Variants in PCDHA4 observed in about 807,000 individuals in gnomAD.
PCDHA4 encodes the protein protocadherin alpha 4.
In PCDHA4, 49 loss-of-function variants were observed where a neutral mutation model predicts 61.4. The observed-to-expected ratio is 0.80, with a 90% CI of 0.63 to 1.01. PCDHA4 has a LOEUF of 1.01. PCDHA4 is among the 50% of genes least tolerant of loss of function. The pLI is 0.00. For synonymous variants in PCDHA4, 590 were observed against 550.3 expected (o/e 1.07, Z -1.01); for missense variants, 1,254 against 1,235.8 (o/e 1.01, Z -0.22).
chr5:140,915,312 C>T (rs781796761), intron 1 of PCDHA4, among the ~76,000 whole-genome samples: 2 of 152,122 alleles, frequency 1.3e-5, no homozygotes, highest in Non-Finnish European at 2.9e-5. Flanking sequence ...TTACATACCA[C>T]AATTACAGTG....
At chr5:140,997,668 T>TTGTGTGTGTGTGTGTGTG (rs35184029) in intron 3 of PCDHA4, among the ~76,000 whole-genome samples, 77 of 148,344 alleles carry the variant, frequency 5.2e-4, no homozygotes, top group African/African-American at 1.8e-3. Context: ...ATTATACAGC[T>TTGTGTGTGTGTGTGTGTG]TGTGTGTGTG....
intron 1 of PCDHA4, chr5:140,882,442 G>A (rs1554174153): frequency 6.2e-7 from 1 of 1,613,948 alleles, no homozygotes; most frequent in African/African-American, 1.3e-5. Context: ...AGCTGGCGGA[G>A]CTGGTGCCGC....
intron 1 of PCDHA4, among the ~76,000 whole-genome samples, chr5:140,924,901 A>AAAT (rs1554202313): frequency 5.5e-4 from 44 of 80,500 alleles, no homozygotes; most frequent in Non-Finnish European, 9.1e-4. Flanking sequence ...TCTCAAAAAA[A>AAAT]AAAATAAAAT....
chr5:140,821,638 A>AT, intron 1 of PCDHA4: 1 of 1,026,086 alleles, frequency 9.7e-7, no homozygotes, highest in Non-Finnish European at 1.4e-6. Flanking sequence ...AGAAAGGAAA[A>AT]GAACCTTCCA....
intron 1 of PCDHA4, chr5:140,926,986 C>A (rs782199565): frequency 8.1e-6 from 13 of 1,610,594 alleles, no homozygotes; most frequent in Non-Finnish European, 2.5e-6. Flanking sequence ...GGAGACGGAG[C>A]GGGGCGTAGC....
rs1292162881 is a variant in PCDHA4, at chr5:140,830,633, C to A, written c.2385+21061C>A. 3 of 514,128 alleles carry A rather than the reference C, an allele frequency of 5.8e-6. No homozygotes were observed. The Admixed American group carries it at 1.2e-4, about 21-fold the overall frequency. The allele number at this position is 514,128 out of a possible 1,614,324, so 31.8% of individuals were successfully genotyped here. On this transcript the variant is annotated intron_variant, in intron 1 of 3. Transcript: ENST00000530339. ...ATTTTATTGTGTTTCTTATTTTAAT[C>A]TCTTTGCTTCTTTAATATTCATAAT...
intron 3 of PCDHA4, among the ~76,000 whole-genome samples, chr5:140,991,634 A>G (rs1261533190): frequency 5.9e-5 from 9 of 152,196 alleles, no homozygotes; most frequent in African/African-American, 1.7e-4. Flanking sequence ...TGTAATAACA[A>G]TCTGTTCATG....
intron 1 of PCDHA4, among the ~76,000 whole-genome samples, chr5:140,820,699 T>A (rs992254972): frequency 6.6e-6 from 1 of 152,096 alleles, no homozygotes; most frequent in African/African-American, 2.4e-5. Flanking sequence ...GATATTCTTT[T>A]CAACATGATT....
intron 1 of PCDHA4, chr5:140,871,015 G>A (rs1554164977): frequency 1.9e-6 from 3 of 1,613,126 alleles, no homozygotes; most frequent in East Asian, 2.2e-5. Flanking sequence ...TGCCCTGGAC[G>A]AGGCAGACTC....
rs2150150437 is a variant in PCDHA4, at chr5:140,828,053, G to A, written c.2385+18481G>A. ...ACATACAGTATTTTATCTTTATGCG[G>A]AAGATCTTCTAATGGAAATAAAACC... On this transcript the variant is annotated intron_variant, in intron 1 of 3. Transcript: ENST00000530339. 4,837 of 1,547,680 alleles carry A rather than the reference G, an allele frequency of 3.1e-3. 12 individuals are homozygous for A. The highest frequency in any genetic ancestry group is 4.7e-3 in the Admixed American group (229 of 48,892).
At chr5:140,884,536 G>A in intron 1 of PCDHA4, 11 of 1,614,090 alleles carry the variant, frequency 6.8e-6, no homozygotes, top group African/African-American at 1.3e-5. Context: ...AGAGGCGGCC[G>A]AGGGTGTGCT....
Position 140,982,278 on chromosome 5 carries a change from A to G in PCDHA4, c.2445-197A>G, listed in dbSNP as rs997424016. On this transcript the variant is annotated intron_variant, in intron 2 of 3. Transcript: ENST00000530339. ...ATGTGTGTTCCTGGAATAGTATAGC[A>G]GGCAATAAGTAAGTCAGCAATGCTT... 8.2e-6 allele frequency: 8 copies of G among 980,114 alleles called. No homozygotes were observed. In the South Asian group the frequency reaches 1.1e-4, roughly 14 times the overall value. The allele number at this position is 980,114 out of a possible 1,614,324, so 60.7% of individuals were successfully genotyped here.
At position 140,928,325 on chromosome 5, in the gene PCDHA4, G is replaced by A. The variant is rs1432328240; in HGVS notation, c.2386-50624G>A. 3.1e-6 allele frequency: 5 copies of A among 1,614,020 alleles called. No homozygotes were observed. The African/African-American group carries it at 6.7e-5, about 22-fold the overall frequency. ...CAGGACCCCGACCTGGGGAAGAATGGCCTTGTCTCTTATGAGCTGTTGGAT... is the reference window on the plus strand; with the variant it reads ...CAGGACCCCGACCTGGGGAAGAATGACCTTGTCTCTTATGAGCTGTTGGAT... On this transcript the variant is annotated intron_variant, in intron 1 of 3. Transcript: ENST00000530339.
At chr5:140,951,544 G>C (rs543008494) in intron 1 of PCDHA4, among the ~76,000 whole-genome samples, 1 of 151,878 alleles carries the variant, frequency 6.6e-6, no homozygotes, top group African/African-American at 2.4e-5. Context: ...AGCAAGGGAC[G>C]GGGGGAAGTG....
intron 1 of PCDHA4, among the ~76,000 whole-genome samples, chr5:140,894,053 T>C (rs782239740): frequency 2.4e-4 from 37 of 152,336 alleles, no homozygotes; most frequent in Non-Finnish European, 5.1e-4. Context: ...CTCTGTTGAA[T>C]TGATTTTTAA....
intron 1 of PCDHA4, among the ~76,000 whole-genome samples, chr5:140,932,619 A>T (rs535899807): frequency 5.3e-5 from 8 of 152,056 alleles, no homozygotes; most frequent in African/African-American, 1.9e-4. Context: ...TGAAGCTGAT[A>T]ACCACACTAA....
In PCDHA4 at chr5:140,807,978, T is replaced by A; in HGVS notation, c.791T>A (p.Leu264His). Reference protein sequence around the residue: ...NVPNGTLVIKLNASDLDEGLN... With the variant: ...NVPNGTLVIKHNASDLDEGLN... The stretch of plus-strand genomic sequence containing the variant: ...CCTAATGGAACATTGGTAATTAAAC[T>A]TAACGCCTCAGATTTAGACGAAGGA... The change falls in exon 1 of 4, where the codon CTT becomes CAT. Residue 264 changes from leucine (L) to histidine (H), a missense_variant. By Grantham distance (99) the Leu-to-His change is moderately conservative. Coordinates refer to ENST00000530339, the MANE Select transcript of PCDHA4 (RefSeq NM_018907.4). 2.5e-6 allele frequency: 4 copies of A among 1,613,852 alleles called. No individual in the cohort carries two copies. Among genetic ancestry groups the A allele is most frequent in the Non-Finnish European group, 3.4e-6 (4 of 1,179,766 alleles).
intron 1 of PCDHA4, among the ~76,000 whole-genome samples, chr5:140,904,951 T>C (rs1468765932): frequency 6.6e-6 from 1 of 152,188 alleles, no homozygotes; most frequent in Non-Finnish European, 1.5e-5. Context: ...GTCCTTTGTC[T>C]GATGCAGAAT....
At chr5:140,901,181 G>A (rs2068491755) in intron 1 of PCDHA4, among the ~76,000 whole-genome samples, 1 of 152,010 alleles carries the variant, frequency 6.6e-6, no homozygotes, top group African/African-American at 2.4e-5. Flanking sequence ...TTTGTTGATT[G>A]TTTGCTTTTC....
Sources: gnomAD v4.1 joint callset for allele counts (sites outside exome capture counted in the v4.1 genomes callset) on GRCh38, gnomAD v4.1.1 for gene constraint, MANE v1.5 for transcripts, NCBI Gene and HGNC (gene_info 2026-07-23, HGNC 2026-07-21) for gene names.